The following KDM4A variants were observed in gnomAD, a reference collection of about 807,000 sequenced individuals.
KDM4A encodes the protein lysine-specific demethylase 4A.
A neutral mutation model predicts 127.1 loss-of-function variants in KDM4A; 23 were observed. That is an observed-to-expected ratio of 0.18 (90% confidence interval 0.13 to 0.26). The LOEUF is 0.26. Ranked by LOEUF, KDM4A falls within the 10% of genes least tolerant of loss-of-function variation. The pLI is 1.00. For missense variants in KDM4A, 890 were observed against 1,329.1 expected (o/e 0.67, Z 5.14); for synonymous variants, 443 against 466.5 (o/e 0.95, Z 0.65).
chr1:43,663,011 A>T lies in KDM4A; in HGVS notation c.547A>T (p.Thr183Ser). The T allele has an allele frequency of 6.2e-7, 1 of 1,614,232 alleles. No homozygotes were observed. Among genetic ancestry groups the T allele is most frequent in the Non-Finnish European group, 8.5e-7 (1 of 1,180,034 alleles). ...TPYLYFGMWK[T>S]SFAWHTEDMD... ...ATACCTGTACTTTGGCATGTGGAAG[A>T]CATCCTTTGCTTGGCACACTGAAGA... is the stretch of plus-strand genomic sequence containing the variant. Residue 183 changes from threonine to serine, a missense_variant, in exon 5 of 22, where the codon ACA becomes TCA. Around this residue, in one of 7 missense-constraint regions of KDM4A, gnomAD observed 141 missense variants for 273.5 expected, o/e 0.52. Transcript: ENST00000372396.
chr1:43,665,553 T>C, intron 5 of KDM4A, 143 bp from the exon 6 acceptor site: 1 of 677,326 alleles, frequency 1.5e-6, no homozygotes, highest in Non-Finnish European at 2.6e-6. Flanking sequence ...CAGTCTAATA[T>C]TTCATTTTTT....
intron 11 of KDM4A, among the ~76,000 whole-genome samples, chr1:43,677,225 A>G (rs959342717): frequency 1.6e-4 from 25 of 151,914 alleles, no homozygotes; most frequent in African/African-American, 5.6e-4. Flanking sequence ...GGTGCCTGTA[A>G]TCCCAGCTAC....
chr1:43,672,569 A>C (rs912458870), intron 11 of KDM4A, among the ~76,000 whole-genome samples: 3 of 147,854 alleles, frequency 2.0e-5, no homozygotes, highest in African/African-American at 7.6e-5. Context: ...ATCTTGGCTC[A>C]CTGCAAGCTC....
At chr1:43,664,145 G>A (rs902635737) in intron 5 of KDM4A, among the ~76,000 whole-genome samples, 4 of 152,198 alleles carry the variant, frequency 2.6e-5, no homozygotes, top group African/African-American at 9.7e-5. Context: ...TTTCAAAGAG[G>A]TGACAAGTGA....
At chr1:43,668,999 C>A in intron 9 of KDM4A, 101 bp from the exon 10 acceptor site, 2 of 1,227,256 alleles carry the variant, frequency 1.6e-6, no homozygotes, top group Non-Finnish European at 2.4e-6. Flanking sequence ...GCCTGACAGG[C>A]TCTGGCCATT....
At position 43,704,605 on chromosome 1, in the gene KDM4A, C is replaced by A; in HGVS notation, c.*235C>A. 1 of 516,806 alleles carries A rather than the reference C, an allele frequency of 1.9e-6. No individual in the cohort carries two copies. Among genetic ancestry groups the A allele is most frequent in the Non-Finnish European group, 3.4e-6 (1 of 291,140 alleles). 32.0% of individuals were successfully genotyped at this position (516,806 alleles called of 1,614,324 possible). ...CTGATCTCCCAGCTGAGGGGCTGAG[C>A]ACTGGAATGCTGTGGCTGCACTGGC... is the stretch of plus-strand genomic sequence containing the variant. On this transcript the variant is annotated 3_prime_UTR_variant, in exon 22 of 22. Transcript: ENST00000372396.
chr1:43,694,669 C>A lies in KDM4A; in HGVS notation c.2485-40C>A. The A allele has an allele frequency of 1.3e-6, 2 of 1,561,812 alleles. No individual in the cohort carries two copies. The highest frequency in any genetic ancestry group is 2.3e-5 in the South Asian group (2 of 87,986). On this transcript the variant is annotated intron_variant, in intron 17 of 21. Coordinates refer to ENST00000372396, the MANE Select transcript of KDM4A (RefSeq NM_014663.3). This position sits in a 1 kb window ranked among gnomAD's most constrained non-coding sequence, Gnocchi z 5.2. Reference sequence around the variant, plus strand: ...GGAACAACAGAGGAAGCTGCAGTGCCAGTTCCTGCAATCACTGGTTTTCTT... The same window carrying A: ...GGAACAACAGAGGAAGCTGCAGTGCAAGTTCCTGCAATCACTGGTTTTCTT...
At chr1:43,682,578 T>C (rs1053784270) in intron 11 of KDM4A, among the ~76,000 whole-genome samples, 2 of 152,246 alleles carry the variant, frequency 1.3e-5, no homozygotes, top group African/African-American at 4.8e-5. Flanking sequence ...CTTCTTTTCC[T>C]GGGCAGGCCT....
intron 1 of KDM4A, 57 bp from the exon 2 acceptor site, chr1:43,653,080 T>G: frequency 1.1e-6 from 1 of 899,712 alleles, no homozygotes; most frequent in Non-Finnish European, 1.6e-6. Flanking sequence ...GAGTTGATGT[T>G]TCCAGCACTT....
At chr1:43,695,562 GC>G (rs1661222192) in intron 18 of KDM4A, among the ~76,000 whole-genome samples, 2 of 152,196 alleles carry the variant, frequency 1.3e-5, no homozygotes, top group Non-Finnish European at 2.9e-5. Flanking sequence ...GAGGATGAAG[GC>G]CCTGCACTGC....
chr1:43,704,003 C>G lies in KDM4A; in HGVS notation c.2962-17C>G, dbSNP rs752163375. ...GTCAGGGATATCCTAGCCAAAAGGC[C>G]TTTGTTTCCTTGGTAGGTGGAGTTT... On this transcript the variant is annotated splice_polypyrimidine_tract_variant and intron_variant, in intron 20 of 21. Coordinates refer to ENST00000372396, the MANE Select transcript of KDM4A (RefSeq NM_014663.3). The G allele has an allele frequency of 1.9e-6, 3 of 1,611,196 alleles. No homozygotes were observed. The highest frequency in any genetic ancestry group is 2.5e-6 in the Non-Finnish European group (3 of 1,177,396).
chr1:43,689,152 A>C, intron 13 of KDM4A, 57 bp downstream of exon 13: 1 of 1,563,290 alleles, frequency 6.4e-7, no homozygotes, highest in Non-Finnish European at 8.7e-7. Context: ...GGGAAGCTAG[A>C]TTTAATTGTG....
At chr1:43,660,519 G>T in intron 4 of KDM4A, 107 bp downstream of exon 4, 4 of 1,435,278 alleles carry the variant, frequency 2.8e-6, no homozygotes, top group Non-Finnish European at 3.7e-6. Flanking sequence ...TGAATGGGTG[G>T]ATGAACAGAT....
chr1:43,664,167 T>C (rs1016700317), intron 5 of KDM4A, among the ~76,000 whole-genome samples: 1 of 152,066 alleles, frequency 6.6e-6, no homozygotes, highest in Non-Finnish European at 1.5e-5. Flanking sequence ...ACCTAAAACA[T>C]GAGAAGGACA....
chr1:43,691,258 A>G (rs1427289619), intron 14 of KDM4A, among the ~76,000 whole-genome samples: 1 of 152,204 alleles, frequency 6.6e-6, no homozygotes, highest in East Asian at 1.9e-4. Context: ...GATAGCAGAA[A>G]GGGATTAGTC....
chr1:43,674,853 C>T (rs1660706052), intron 11 of KDM4A, among the ~76,000 whole-genome samples: 1 of 152,062 alleles, frequency 6.6e-6, no homozygotes, highest in Non-Finnish European at 1.5e-5. Context: ...AGAGGCAAAG[C>T]ATTTCCATGG....
At chr1:43,671,381 G>A in intron 10 of KDM4A, 124 bp from the exon 11 acceptor site, 1 of 1,052,978 alleles carries the variant, frequency 9.5e-7, no homozygotes, top group Non-Finnish European at 1.3e-6. Context: ...CTCAGTGACA[G>A]AGCCAGGATT....
At chr1:43,701,953 T>C (rs534254318) in intron 19 of KDM4A, 1 of 152,382 alleles carries the variant, frequency 6.6e-6, no homozygotes, top group African/African-American at 2.4e-5. Flanking sequence ...AATTTTTTAC[T>C]GCTTCATCAA....
At chr1:43,658,597 G>A (rs989922197) in intron 3 of KDM4A, among the ~76,000 whole-genome samples, 1 of 149,766 alleles carries the variant, frequency 6.7e-6, no homozygotes, top group African/African-American at 2.5e-5. Flanking sequence ...TCCGCCTCCT[G>A]GGTTCAAGCA....
Sources: gnomAD v4.1 joint callset for allele counts (sites outside exome capture counted in the v4.1 genomes callset) on GRCh38, gnomAD v4.1.1 for gene constraint, gnomAD v4.1.1 regional missense constraint, Gnocchi (gnomAD v3.1) non-coding constraint, MANE v1.5 for transcripts, NCBI Gene and HGNC (gene_info 2026-07-23, HGNC 2026-07-21) for gene names.